Variants in MAGI2 observed in about 807,000 individuals in gnomAD.
MAGI2 encodes membrane-associated guanylate kinase, WW and PDZ domain-containing protein 2.
Under a neutral mutation model 133.3 loss-of-function variants are expected in MAGI2, and 35 were observed. That is an observed-to-expected ratio of 0.26 (90% CI 0.20 to 0.35). The LOEUF (loss-of-function observed/expected upper bound fraction) is 0.35. MAGI2 is among the 10% of genes least tolerant of loss of function. The pLI, the probability that MAGI2 is intolerant of heterozygous loss-of-function variation, is 1.00. For missense variants in MAGI2, 1,636 were observed against 1,863.4 expected (o/e 0.88, Z 2.25); for synonymous variants, 729 against 710.6 (o/e 1.03, Z -0.41).
At chr7:78,625,218 G>A (rs148329172) in intron 3 of MAGI2, among the ~76,000 whole-genome samples, 19 of 151,794 alleles carry the variant, frequency 1.3e-4, no homozygotes, top group Non-Finnish European at 2.2e-4. Context: ...ATTTGACATC[G>A]AGAGATAAAA....
At chr7:78,991,895 T>C (rs978182375) in intron 2 of MAGI2, among the ~76,000 whole-genome samples, 1 of 152,082 alleles carries the variant, frequency 6.6e-6, no homozygotes, top group East Asian at 1.9e-4. Flanking sequence ...ACCTTTGATA[T>C]TTCAGGGATT....
intron 5 of MAGI2, among the ~76,000 whole-genome samples, chr7:78,494,534 A>G (rs1793914464): frequency 6.6e-6 from 1 of 151,872 alleles, no homozygotes; most frequent in Non-Finnish European, 1.5e-5. Flanking sequence ...CCTTTTTTCC[A>G]TTTCTTAGGT....
rs1809848055 is a variant in MAGI2 at position 79,026,003 on chromosome 7, G to C, written c.302-18797C>G. ...AGCATCTTCCAACTAGTGTTTTAGG[G>C]ACCACTTATACACTTACCAGGCATA... On this transcript the variant is annotated intron_variant, in intron 1 of 21. Coordinates refer to ENST00000354212, the MANE Select transcript of MAGI2 (RefSeq NM_012301.4). Among the ~76,000 whole-genome samples the C allele has an allele frequency of 2.6e-5, 4 of 152,062 alleles. No homozygotes were observed. In the South Asian group the frequency reaches 8.3e-4, roughly 32 times the overall value.
At chr7:79,005,679 C>G (rs1022193515) in intron 2 of MAGI2, among the ~76,000 whole-genome samples, 33 of 152,260 alleles carry the variant, frequency 2.2e-4, no homozygotes, top group African/African-American at 7.7e-4. Flanking sequence ...TCCTTTCTTT[C>G]ATGTCACAAA....
At chr7:78,438,318 T>C (rs1463468995) in intron 6 of MAGI2, among the ~76,000 whole-genome samples, 1 of 151,980 alleles carries the variant, frequency 6.6e-6, no homozygotes, top group East Asian at 1.9e-4. Flanking sequence ...GAGATATGAA[T>C]TTTTTAAAAG....
At chr7:78,738,770 A>G (rs1822112782) in intron 2 of MAGI2, among the ~76,000 whole-genome samples, 1 of 152,216 alleles carries the variant, frequency 6.6e-6, no homozygotes, top group African/African-American at 2.4e-5. Context: ...CTTACAAACG[A>G]TTGTCCTTTA....
intron 1 of MAGI2, among the ~76,000 whole-genome samples, chr7:79,117,932 T>C (rs1819549169): frequency 6.6e-6 from 1 of 152,194 alleles, no homozygotes; most frequent in African/African-American, 2.4e-5. Context: ...CTCATGGCCA[T>C]ATTCAACTAT....
intron 2 of MAGI2, among the ~76,000 whole-genome samples, chr7:78,742,562 A>C (rs1822534918): frequency 6.6e-6 from 1 of 152,202 alleles, no homozygotes; most frequent in Non-Finnish European, 1.5e-5. Context: ...TAATTTTCTG[A>C]TAAGATCCCA....
chr7:78,595,389 TTATC>T (rs1277167055), intron 3 of MAGI2, among the ~76,000 whole-genome samples: 2 of 152,196 alleles, frequency 1.3e-5, no homozygotes, highest in Admixed American at 6.5e-5. Flanking sequence ...TTTTCTGAAA[TTATC>T]TTTCTTTTTA....
At chr7:78,023,086 GTCCAGGCACGAGCCTGCAAAGC>G (rs571092132) in intron 21 of MAGI2, among the ~76,000 whole-genome samples, 121 of 152,198 alleles carry the variant, frequency 8.0e-4, no homozygotes, top group South Asian at 4.8e-3. Context: ...TATGGTGTCT[GTCCAGGCACGAGCCTGCAAAGC>G]TCCAGGCACG....
chr7:78,696,879 C>T (rs891296154), intron 2 of MAGI2, among the ~76,000 whole-genome samples: 3 of 152,244 alleles, frequency 2.0e-5, no homozygotes, highest in African/African-American at 7.2e-5. Flanking sequence ...TAAAGCAGAT[C>T]AATTTTAGAC....
intron 9 of MAGI2, among the ~76,000 whole-genome samples, chr7:78,273,762 T>C (rs1233620037): frequency 3.9e-5 from 6 of 152,196 alleles, no homozygotes; most frequent in Non-Finnish European, 7.4e-5. Context: ...AAGAAGTTCT[T>C]GTGCTGTGTT....
intron 2 of MAGI2, among the ~76,000 whole-genome samples, chr7:78,961,686 C>T (rs1390933366): frequency 2.0e-5 from 3 of 152,084 alleles, no homozygotes; most frequent in Non-Finnish European, 2.9e-5. Flanking sequence ...CTAAAACAAA[C>T]TATATCTGCT....
chr7:78,592,338 C>CT (rs761420453), intron 3 of MAGI2, among the ~76,000 whole-genome samples: 27 of 106,144 alleles, frequency 2.5e-4, no homozygotes, highest in African/African-American at 3.3e-4. Flanking sequence ...AAATAGTAGA[C>CT]TATTTTTTTT....
intron 9 of MAGI2, among the ~76,000 whole-genome samples, chr7:78,265,555 A>G (rs1214396269): frequency 6.6e-6 from 1 of 152,230 alleles, no homozygotes; most frequent in Non-Finnish European, 1.5e-5. Flanking sequence ...AAAGATTTTC[A>G]AGAAGAAATC....
At chr7:78,662,344 G>C (rs1813054760) in intron 2 of MAGI2, among the ~76,000 whole-genome samples, 1 of 152,082 alleles carries the variant, frequency 6.6e-6, no homozygotes, top group Admixed American at 6.5e-5. Context: ...GGGTTCCAAA[G>C]AATCTTGTAG....
intron 2 of MAGI2, among the ~76,000 whole-genome samples, chr7:78,999,448 G>C (rs1174072773): frequency 6.6e-6 from 1 of 152,044 alleles, no homozygotes; most frequent in African/African-American, 2.4e-5. Flanking sequence ...ATTCTGTAGA[G>C]CACTCTGTCA....
At chr7:79,031,173 T>C (rs1395393622) in intron 1 of MAGI2, among the ~76,000 whole-genome samples, 1 of 152,210 alleles carries the variant, frequency 6.6e-6, no homozygotes, top group Non-Finnish European at 1.5e-5. Flanking sequence ...ATGTGATTCA[T>C]ATCTCTGCTC....
chr7:79,397,007 C>T (rs991259), intron 1 of MAGI2, among the ~76,000 whole-genome samples: 61,063 of 151,436 alleles, frequency 0.4, 14,742 homozygotes, highest in African/African-American at 0.67. Flanking sequence ...TTTATATCCC[C>T]ACTAAAAATG....
Sources: allele counts gnomAD v4.1 joint callset (sites outside exome capture counted in the v4.1 genomes callset), GRCh38; gene constraint gnomAD v4.1.1; transcripts MANE v1.5; gene names NCBI Gene and HGNC (gene_info 2026-07-23, HGNC 2026-07-21).